GPM6B: variants seen among roughly 807,000 people sequenced by gnomAD.
GPM6B encodes the protein neuronal membrane glycoprotein M6-b.
A neutral mutation model predicts 27.2 loss-of-function variants in GPM6B; 4 were observed. The ratio of observed to expected loss-of-function variants is 0.15; its 90% CI spans 0.07 to 0.34. GPM6B has a LOEUF of 0.34. Ranked by LOEUF, GPM6B falls within the 10% of genes least tolerant of loss-of-function variation. The probability of loss-of-function intolerance (pLI) is 1.00; values close to 1 mark genes in which losing one functional copy is unlikely to be tolerated. For missense variants in GPM6B, 183 were observed against 261.9 expected (o/e 0.70, Z 2.08); for synonymous variants, 124 against 103.1 (o/e 1.20, Z -1.23).
chrX:13,858,926 G>A (rs2049812114), intron 1 of GPM6B, among the ~76,000 whole-genome samples: 3 of 112,294 alleles, frequency 2.7e-5, no homozygotes, highest in Non-Finnish European at 5.6e-5. Flanking sequence ...TCATAGGCAT[G>A]TGTATGAAGC....
chrX:13,849,304 G>A (rs151107099), intron 1 of GPM6B, among the ~76,000 whole-genome samples: 169 of 112,448 alleles, frequency 1.5e-3, no homozygotes, highest in Middle Eastern at 4.7e-3. Context: ...GAATCATCAG[G>A]GTTTCCACAA....
In GPM6B at chrX:13,865,559, A is replaced by AAAAAAAAGAAAG. The variant is rs34662549; in HGVS notation, c.-198+72767_-198+72768insCTTTCTTTTTTT. Among the ~76,000 whole-genome samples, 34 of 52,904 alleles carry AAAAAAAAGAAAG rather than the reference A, an allele frequency of 6.4e-4. 1 individual carries two copies. Among genetic ancestry groups the AAAAAAAAGAAAG allele is most frequent in the East Asian group, 3.9e-3 (4 of 1,015 alleles). 45.9% of individuals were successfully genotyped at this position (52,904 alleles called of 115,157 possible). On this transcript the variant is annotated intron_variant, in intron 1 of 6. Transcript: ENST00000398361. The stretch of plus-strand genomic sequence containing the variant: ...CATCTCTTCAAAAAAAAAAAAAAAA[A>AAAAAAAAGAAAG]AAAGAAAGAAAGAAAGAAAAGAAAA...
At chrX:13,886,850 T>A (rs2050141714) in intron 1 of GPM6B, among the ~76,000 whole-genome samples, 1 of 109,623 alleles carries the variant, frequency 9.1e-6, no homozygotes, top group Non-Finnish European at 1.9e-5. Context: ...GGAGTCTCAC[T>A]CTATCACCCA....
At chrX:13,897,801 A>T (rs1484090206) in intron 1 of GPM6B, among the ~76,000 whole-genome samples, 1 of 112,026 alleles carries the variant, frequency 8.9e-6, no homozygotes, top group Non-Finnish European at 1.9e-5. Flanking sequence ...AGCCAGGCGT[A>T]CACAGCCTGG....
intron 2 of GPM6B, 48 bp from the exon 3 acceptor site, chrX:13,785,856 C>G (rs1229061964): frequency 9.7e-7 from 1 of 1,033,624 alleles, no homozygotes. Flanking sequence ...AAGAACACCT[C>G]TGGTCTTCAA....
chrX:13,859,206 C>T lies in GPM6B; in HGVS notation c.-197-73398G>A, dbSNP rs1291279066. Among the ~76,000 whole-genome samples the T allele has an allele frequency of 3.6e-5, 4 of 112,283 alleles. No homozygotes were observed. In the East Asian group the frequency reaches 8.3e-4, roughly 23 times the overall value. ...ATCAACATACAGAACAGTTCCCCCA[C>T]TTTACAAAGTTTCCTAGTACCTTTC... On this transcript the variant is annotated intron_variant, in intron 1 of 6. Transcript: ENST00000398361.
At chrX:13,775,719 G>A (rs1436707791) in intron 7 of GPM6B, among the ~76,000 whole-genome samples, 1 of 112,333 alleles carries the variant, frequency 8.9e-6, no homozygotes, top group Non-Finnish European at 1.9e-5. Context: ...TGCTGAAAAT[G>A]ATGTGACCAG....
chrX:13,806,950 G>A (rs1285502262), intron 2 of GPM6B, among the ~76,000 whole-genome samples: 1 of 111,738 alleles, frequency 8.9e-6, no homozygotes. Flanking sequence ...TTTTGGGAAC[G>A]TGGGAGGTTG....
chrX:13,857,111 C>CATAA (rs771758399), intron 1 of GPM6B, among the ~76,000 whole-genome samples: 1 of 111,520 alleles, frequency 9.0e-6, no homozygotes, highest in East Asian at 2.8e-4. Context: ...CTGCCTCCTT[C>CATAA]TTATAAGGAT....
intron 1 of GPM6B, among the ~76,000 whole-genome samples, chrX:13,933,381 C>T (rs1191875411): frequency 9.0e-6 from 1 of 111,429 alleles, no homozygotes; most frequent in East Asian, 2.8e-4. Context: ...CTAAAGGACC[C>T]CACCCATTTA....
intron 1 of GPM6B, among the ~76,000 whole-genome samples, chrX:13,848,831 TAAACA>T (rs1286721383): frequency 1.8e-5 from 2 of 112,475 alleles, no homozygotes; most frequent in African/African-American, 6.5e-5. Context: ...GGTACATGGA[TAAACA>T]AAATATGGTC....
chrX:13,814,894 A>G (rs1320225482), intron 1 of GPM6B, among the ~76,000 whole-genome samples: 1 of 112,005 alleles, frequency 8.9e-6, no homozygotes, highest in Non-Finnish European at 1.9e-5. Context: ...TGGTAGTGTG[A>G]TATTTTTGAA....
intron 2 of GPM6B, among the ~76,000 whole-genome samples, chrX:13,789,313 A>T (rs1412643386): frequency 8.9e-6 from 1 of 112,047 alleles, no homozygotes; most frequent in Non-Finnish European, 1.9e-5. Flanking sequence ...TGGGCAATTT[A>T]GTCACATATC....
intron 2 of GPM6B, among the ~76,000 whole-genome samples, chrX:13,801,292 A>G (rs2048917096): frequency 8.9e-6 from 1 of 111,813 alleles, no homozygotes; most frequent in Non-Finnish European, 1.9e-5. Flanking sequence ...GCCTTAGTTG[A>G]CAGCCTGTGA....
intron 1 of GPM6B, among the ~76,000 whole-genome samples, chrX:13,933,806 C>G (rs1921694540): frequency 9.0e-6 from 1 of 111,698 alleles, no homozygotes; most frequent in African/African-American, 3.3e-5. Flanking sequence ...TTTCATTCTA[C>G]TTTAATGTAA....
intron 1 of GPM6B, among the ~76,000 whole-genome samples, chrX:13,807,993 C>T (rs1487709613): frequency 1.8e-5 from 2 of 111,990 alleles, no homozygotes; most frequent in Non-Finnish European, 3.8e-5. Context: ...TACATCTTTC[C>T]CCCAACACAC....
At chrX:13,866,523 A>G (rs2049921103) in intron 1 of GPM6B, among the ~76,000 whole-genome samples, 1 of 112,359 alleles carries the variant, frequency 8.9e-6, no homozygotes, top group Non-Finnish European at 1.9e-5. Flanking sequence ...AAGAAGTGAT[A>G]AATGTTTGAA....
intron 7 of GPM6B, chrX:13,773,326 T>A (rs1242379518): frequency 3.7e-4 from 66 of 180,377 alleles, no homozygotes; most frequent in African/African-American, 1.8e-3. Flanking sequence ...TTTTTTTTTT[T>A]AATACCATTT....
chrX:13,872,267 G>A (rs2049987251), intron 1 of GPM6B, among the ~76,000 whole-genome samples: 1 of 102,561 alleles, frequency 9.8e-6, no homozygotes, highest in African/African-American at 3.6e-5. Context: ...AACCTACCAG[G>A]CTCATGATCC....
Sources: gnomAD v4.1 joint callset for allele counts (sites outside exome capture counted in the v4.1 genomes callset) on GRCh38, gnomAD v4.1.1 for gene constraint, MANE v1.5 for transcripts, NCBI Gene and HGNC (gene_info 2026-07-23, HGNC 2026-07-21) for gene names.